Variants in PLCG2 observed in about 807,000 individuals in gnomAD.
The protein encoded by PLCG2 is 1-phosphatidylinositol 4,5-bisphosphate phosphodiesterase gamma-2.
A neutral mutation model predicts 175.6 loss-of-function variants in PLCG2; 69 were observed. That is an observed-to-expected ratio of 0.39 (90% confidence interval 0.32 to 0.48). The LOEUF (loss-of-function observed/expected upper bound fraction) is 0.48, where lower values mean the gene tolerates loss of function less well. PLCG2 is among the 20% of genes least tolerant of loss of function. The pLI is 0.91. For synonymous variants in PLCG2, 827 were observed against 624.0 expected (o/e 1.33, Z -4.85); for missense variants, 1,798 against 1,650.9 (o/e 1.09, Z -1.54).
intron 2 of PLCG2, among the ~76,000 whole-genome samples, chr16:81,814,407 T>TG (rs532627243): frequency 1.4e-3 from 206 of 152,000 alleles, no homozygotes; most frequent in African/African-American, 4.8e-3. Flanking sequence ...AAGGTACCCA[T>TG]GGGGACTGAG....
At chr16:81,911,956 C>A (rs1183729971) in intron 18 of PLCG2, among the ~76,000 whole-genome samples, 2 of 152,012 alleles carry the variant, frequency 1.3e-5, no homozygotes, top group African/African-American at 4.8e-5. Context: ...TGCCACCATG[C>A]CTGGCTAATT....
intron 15 of PLCG2, among the ~76,000 whole-genome samples, chr16:81,907,067 A>G (rs1909404637): frequency 1.3e-5 from 2 of 151,146 alleles, no homozygotes; most frequent in Admixed American, 6.6e-5. Context: ...AGTGCAGCAC[A>G]CCAACATGGC....
intron 16 of PLCG2, 71 bp downstream of exon 16, chr16:81,907,845 C>G: frequency 2.8e-6 from 3 of 1,084,804 alleles, no homozygotes; most frequent in Non-Finnish European, 4.2e-6. Flanking sequence ...TCCCCGGGAC[C>G]TCCTTCCCAT....
chr16:81,780,332 C>A (rs765102329), intron 1 of PLCG2, among the ~76,000 whole-genome samples: 1 of 152,168 alleles, frequency 6.6e-6, no homozygotes, highest in Non-Finnish European at 1.5e-5. Context: ...AGAATTGGGG[C>A]TTATTGCTGT....
intron 1 of PLCG2, among the ~76,000 whole-genome samples, chr16:81,749,444 C>T (rs1243644037): frequency 6.6e-6 from 1 of 152,100 alleles, no homozygotes; most frequent in Non-Finnish European, 1.5e-5. Context: ...CCTCTGCCTC[C>T]TGGGTTCAAG....
upstream of PLCG2, among the ~76,000 whole-genome samples, chr16:81,774,998 A>G (rs1455585746): frequency 2.0e-5 from 3 of 152,070 alleles, no homozygotes; most frequent in Admixed American, 6.6e-5. Flanking sequence ...CACCCTCCTT[A>G]GCCTCCCAAA....
chr16:81,936,407 C>T (rs761609734), intron 27 of PLCG2, 29 bp downstream of exon 27: 3 of 1,591,074 alleles, frequency 1.9e-6, no homozygotes, highest in Non-Finnish European at 1.7e-6. Context: ...TAGTCCCGTC[C>T]CTGCAAGGTG....
Position 81,958,369 on chromosome 16 carries a change from A to G in PLCG2, c.*371A>G, listed in dbSNP as rs913334438. On this transcript the variant is annotated 3_prime_UTR_variant, in exon 33 of 33. Coordinates refer to ENST00000564138, the MANE Select transcript of PLCG2 (RefSeq NM_002661.5). ...TCTGGCCAAGAAGATTCTACCTCTA[A>G]TGATCCAGGTAACTGATGTCCATGG... 6.0e-5 allele frequency: 16 copies of G among 265,402 alleles called. No individual in the cohort carries two copies. The highest frequency in any genetic ancestry group is 2.2e-4 in the African/African-American group (10 of 46,392). 16.4% of individuals were successfully genotyped at this position (265,402 alleles called of 1,614,324 possible).
chr16:81,853,343 C>A (rs1367996221), intron 2 of PLCG2, among the ~76,000 whole-genome samples: 20 of 129,446 alleles, frequency 1.5e-4, no homozygotes, highest in Non-Finnish European at 2.6e-4. Flanking sequence ...AAAAAAAAAA[C>A]AAAACAACAA....
intron 5 of PLCG2, among the ~76,000 whole-genome samples, chr16:81,864,504 C>G (rs1907133516): frequency 6.6e-6 from 1 of 152,188 alleles, no homozygotes; most frequent in Non-Finnish European, 1.5e-5. Context: ...AGATCTCACA[C>G]TAACTCATTG....
chr16:81,750,108 T>C (rs1446613228), intron 1 of PLCG2, among the ~76,000 whole-genome samples: 2 of 151,974 alleles, frequency 1.3e-5, no homozygotes, highest in Non-Finnish European at 2.9e-5. Context: ...GAAAACAATG[T>C]ATAAGATCCA....
intron 7 of PLCG2, 145 bp downstream of exon 7, chr16:81,871,080 C>G (rs529559000): frequency 2.5e-5 from 13 of 527,428 alleles, no homozygotes; most frequent in African/African-American, 2.4e-4. Flanking sequence ...GAAAGCATAC[C>G]ATTTTCATCC....
At chr16:81,886,573 A>C (rs561937144) in intron 9 of PLCG2, among the ~76,000 whole-genome samples, 6 of 152,206 alleles carry the variant, frequency 3.9e-5, no homozygotes, top group Non-Finnish European at 8.8e-5. Flanking sequence ...AAATTTCTTT[A>C]GAGGATTGGT....
At chr16:81,920,671 GAGTT>G (rs1486752883) in intron 20 of PLCG2, among the ~76,000 whole-genome samples, 1 of 152,166 alleles carries the variant, frequency 6.6e-6, no homozygotes, top group Non-Finnish European at 1.5e-5. Context: ...ACAGAAAGAA[GAGTT>G]AGAGAGGAAC....
chr16:81,751,045 A>C (rs1000137645), intron 1 of PLCG2, among the ~76,000 whole-genome samples: 22 of 137,734 alleles, frequency 1.6e-4, no homozygotes, highest in African/African-American at 6.1e-4. Context: ...CGGTAGTGCA[A>C]TCTTGGCTCA....
chr16:81,958,970 T>A lies in PLCG2; in HGVS notation c.*972T>A, dbSNP rs1911681218. 3 of 223,506 alleles carry A rather than the reference T, an allele frequency of 1.3e-5. No individual in the cohort carries two copies. The East Asian group carries it at 1.9e-4, about 14-fold the overall frequency. The allele number at this position is 223,506 out of a possible 1,614,324, so 13.8% of individuals were successfully genotyped here. On this transcript the variant is annotated 3_prime_UTR_variant, in exon 33 of 33. Transcript: ENST00000564138. ...TAAGCATTAGGGTGTTACAGAAAAT[T>A]TCAAATGCAGCCATCTCCCTTGGGG...
At chr16:81,751,146 A>G (rs1432164451) in intron 1 of PLCG2, among the ~76,000 whole-genome samples, 1 of 151,040 alleles carries the variant, frequency 6.6e-6, no homozygotes, top group Non-Finnish European at 1.5e-5. Flanking sequence ...ATGCCCAGCT[A>G]ATTTTAGTAT....
intron 2 of PLCG2, among the ~76,000 whole-genome samples, chr16:81,846,739 A>G (rs530010488): frequency 6.6e-6 from 1 of 152,134 alleles, no homozygotes; most frequent in Non-Finnish European, 1.5e-5. Flanking sequence ...CCCAACCAAA[A>G]TCTAATAGAG....
rs7187863 is a variant in PLCG2 at position 81,931,372 on chromosome 16, A to G, written c.2582-125A>G. On this transcript the variant is annotated intron_variant, in intron 24 of 32. Coordinates refer to ENST00000564138, the MANE Select transcript of PLCG2 (RefSeq NM_002661.5). Reference sequence around the variant, plus strand: ...CCGATGGAAAGTAGACGTCCCCATCAGTGCTAACCGTGGTCATAGCAGTGG... The same window carrying G: ...CCGATGGAAAGTAGACGTCCCCATCGGTGCTAACCGTGGTCATAGCAGTGG... The G allele has an allele frequency of 0.2, 155,908 of 789,896 alleles. 16,798 individuals are homozygous for G. The highest frequency in any genetic ancestry group is 0.23 in the Non-Finnish European group (109,780 of 485,802). The allele number at this position is 789,896 out of a possible 1,614,324, so 48.9% of individuals were successfully genotyped here. A position where few individuals can be genotyped will look rare whatever the true frequency, so the allele number is the denominator to read the frequency against.
Sources: gnomAD v4.1 joint callset for allele counts (sites outside exome capture counted in the v4.1 genomes callset) on GRCh38, gnomAD v4.1.1 for gene constraint, MANE v1.5 for transcripts, NCBI Gene and HGNC (gene_info 2026-07-23, HGNC 2026-07-21) for gene names.